Variants in USP12 observed in about 807,000 individuals in gnomAD.
USP12 encodes ubiquitin carboxyl-terminal hydrolase 12.
Under a neutral mutation model 45.5 loss-of-function variants are expected in USP12, and 19 were observed. The observed-to-expected ratio is 0.42, with a 90% CI of 0.29 to 0.61. The LOEUF (loss-of-function observed/expected upper bound fraction) is 0.61, where lower values mean the gene tolerates loss of function less well. Among genes scored for constraint, USP12 ranks in the 20% least tolerant of loss-of-function variants. USP12 has a pLI of 0.22. For synonymous variants in USP12, 149 were observed against 148.8 expected (o/e 1.00, Z -0.01); for missense variants, 242 against 447.7 (o/e 0.54, Z 4.15).
rs1190052147 is a variant in USP12, at chr13:27,129,464, C to T, written c.49-12868G>A. ...GTAGGCCAGGTGCAGTGGTTCATGC[C>T]CATAATACCAGCACTTTGGGAAGTC... On this transcript the variant is annotated intron_variant, in intron 1 of 8. Transcript: ENST00000282344. The surrounding 1 kb of genome is among the most constrained non-coding windows in gnomAD (Gnocchi z 4.0). 2.0e-5 allele frequency among the ~76,000 whole-genome samples: 3 copies of T among 152,146 alleles called. No individual in the cohort carries two copies. Among genetic ancestry groups the T allele is most frequent in the African/African-American group, 7.2e-5 (3 of 41,442 alleles).
intron 3 of USP12, among the ~76,000 whole-genome samples, chr13:27,104,739 C>G (rs147534195): frequency 6.6e-6 from 1 of 152,318 alleles, no homozygotes; most frequent in East Asian, 1.9e-4. Flanking sequence ...AGGCTTACCT[C>G]AATTCACTGT....
intron 1 of USP12, chr13:27,170,081 G>C (rs1035624013): frequency 2.7e-6 from 1 of 376,142 alleles, no homozygotes. Flanking sequence ...AAAATAATTA[G>C]CCCAAACAAT....
intron 1 of USP12, among the ~76,000 whole-genome samples, chr13:27,122,128 C>T (rs1438209042): frequency 6.6e-6 from 1 of 151,640 alleles, no homozygotes; most frequent in Non-Finnish European, 1.5e-5. Context: ...TCAAGACCAA[C>T]CTGGGCAACA....
rs77378545 is a variant in USP12, at chr13:27,159,644, C to G, written c.48+11948G>C. On this transcript the variant is annotated intron_variant, in intron 1 of 8. Coordinates refer to ENST00000282344, the MANE Select transcript of USP12 (RefSeq NM_182488.4). ...ATCTATACATTTATCTAAACTCAAA[C>G]TTTCCTACACCTTTATTTTTTATCA... 7.9e-5 allele frequency among the ~76,000 whole-genome samples: 12 copies of G among 152,316 alleles called. No individual in the cohort carries two copies. In the East Asian group the frequency reaches 2.3e-3, roughly 29 times the overall value.
intron 1 of USP12, among the ~76,000 whole-genome samples, chr13:27,119,327 T>C (rs1339531955): frequency 6.6e-6 from 1 of 152,194 alleles, no homozygotes; most frequent in African/African-American, 2.4e-5. Flanking sequence ...ATCATCACTG[T>C]ACTCCCCCAC....
chr13:27,150,037 G>T (rs1202719460), intron 1 of USP12, among the ~76,000 whole-genome samples: 1 of 152,214 alleles, frequency 6.6e-6, no homozygotes, highest in South Asian at 2.1e-4. Flanking sequence ...ACTGCAGGGT[G>T]ACTATAATTA....
chr13:27,149,675 C>A (rs183731812), intron 1 of USP12, among the ~76,000 whole-genome samples: 1 of 152,208 alleles, frequency 6.6e-6, no homozygotes, highest in African/African-American at 2.4e-5. Context: ...AAAATTACAG[C>A]TCGATAGGAG....
At chr13:27,069,839 C>T (rs551038900) in intron 8 of USP12, among the ~76,000 whole-genome samples, 5 of 152,092 alleles carry the variant, frequency 3.3e-5, no homozygotes, top group South Asian at 2.1e-4. Flanking sequence ...CCCAGCTACT[C>T]GGGAGGCTGA....
chr13:27,079,375 C>T (rs1437195522), intron 6 of USP12, among the ~76,000 whole-genome samples: 1 of 152,168 alleles, frequency 6.6e-6, no homozygotes, highest in Admixed American at 6.5e-5. Context: ...GTTTTATATG[C>T]TCTTTAGCAC....
chr13:27,166,877 G>T (rs1878368302), intron 1 of USP12, among the ~76,000 whole-genome samples: 1 of 151,766 alleles, frequency 6.6e-6, no homozygotes, highest in African/African-American at 2.4e-5. Context: ...TGCTTTATTG[G>T]GCTCATCTCA....
At chr13:27,146,598 A>G (rs1289311684) in intron 1 of USP12, among the ~76,000 whole-genome samples, 2 of 152,330 alleles carry the variant, frequency 1.3e-5, no homozygotes, top group African/African-American at 2.4e-5. Context: ...ATGTTGGCTT[A>G]TAAGTAGGTT....
At chr13:27,143,883 T>A (rs1027842880) in intron 1 of USP12, among the ~76,000 whole-genome samples, 4 of 152,214 alleles carry the variant, frequency 2.6e-5, no homozygotes, top group Non-Finnish European at 5.9e-5. Flanking sequence ...TGTCATTCTG[T>A]GAGACAATCA....
At chr13:27,103,030 A>G (rs1001617659) in intron 3 of USP12, among the ~76,000 whole-genome samples, 5 of 152,276 alleles carry the variant, frequency 3.3e-5, no homozygotes, top group Non-Finnish European at 7.3e-5. Flanking sequence ...ACAAAAATTC[A>G]TTAATAAATA....
At chr13:27,099,217 A>C (rs1168594279) in intron 3 of USP12, among the ~76,000 whole-genome samples, 2 of 152,238 alleles carry the variant, frequency 1.3e-5, no homozygotes, top group African/African-American at 4.8e-5. Context: ...GCACTCAGGG[A>C]AACTTCTAGG....
intron 6 of USP12, chr13:27,077,987 A>AT (rs1207181618): frequency 6.6e-6 from 1 of 152,006 alleles, no homozygotes; most frequent in South Asian, 2.1e-4. Context: ...GACAGAGAAC[A>AT]TTTTTTTCCT....
At chr13:27,102,773 G>A (rs1874932748) in intron 3 of USP12, among the ~76,000 whole-genome samples, 1 of 152,090 alleles carries the variant, frequency 6.6e-6, no homozygotes, top group African/African-American at 2.4e-5. Context: ...CACAATTGAT[G>A]GCTGTCTGCT....
At chr13:27,073,563 G>A (rs944457856) in intron 7 of USP12, among the ~76,000 whole-genome samples, 2 of 152,166 alleles carry the variant, frequency 1.3e-5, no homozygotes, top group Admixed American at 1.3e-4. Flanking sequence ...AATGAGTCAG[G>A]CATCTCAGCT....
rs374948699 is a variant in USP12, at chr13:27,084,169, TACACACACACACACACACACACACAC to T, written c.734+5688_734+5713del. Among the ~76,000 whole-genome samples, 17 of 142,510 alleles carry T rather than the reference TACACACACACACACACACACACACAC, an allele frequency of 1.2e-4. No individual in the cohort carries two copies. In the South Asian group the frequency reaches 1.4e-3, roughly 12 times the overall value. 93.5% of individuals were successfully genotyped at this position (142,510 alleles called of 152,430 possible). ...TGTCACTCATAAATCCATGTTTGCA[TACACACACACACACACACACACACAC>T]ACACACACACACACACACACACAAA... On this transcript the variant is annotated intron_variant, in intron 6 of 8. Coordinates refer to ENST00000282344, the MANE Select transcript of USP12 (RefSeq NM_182488.4).
chr13:27,135,739 A>G (rs1391956794), intron 1 of USP12, among the ~76,000 whole-genome samples: 1 of 152,156 alleles, frequency 6.6e-6, no homozygotes, highest in East Asian at 1.9e-4. Flanking sequence ...AATAAATATT[A>G]GTCTAAAGAA....
Sources: gnomAD v4.1 joint callset for allele counts (sites outside exome capture counted in the v4.1 genomes callset) on GRCh38, gnomAD v4.1.1 for gene constraint, Gnocchi (gnomAD v3.1) non-coding constraint, MANE v1.5 for transcripts, NCBI Gene and HGNC (gene_info 2026-07-23, HGNC 2026-07-21) for gene names.